The following CD163L1 variants were observed in gnomAD, a reference collection of about 807,000 sequenced individuals.
CD163L1 encodes the protein scavenger receptor cysteine-rich type 1 protein M160.
CD163L1 carries 124 observed loss-of-function variants against 165.4 expected under a neutral mutation model. That is an observed-to-expected ratio of 0.75 (90% CI 0.65 to 0.87). The LOEUF (loss-of-function observed/expected upper bound fraction) is 0.87. CD163L1 is among the 40% of genes least tolerant of loss of function. The pLI is 0.00. For synonymous variants in CD163L1, 585 were observed against 662.2 expected (o/e 0.88, Z 1.79); for missense variants, 1,525 against 1,799.9 (o/e 0.85, Z 2.76).
chr12:7,332,997 TAAAG>T, the CD163L1 span, among the ~76,000 whole-genome samples: 1 of 152,138 alleles, frequency 6.6e-6, no homozygotes, highest in African/African-American at 2.4e-5. Flanking sequence ...GCAAATTGGA[TAAAG>T]AGTCATGACC....
At chr12:7,322,416 A>T in the CD163L1 span, 5 of 1,613,640 alleles carry the variant, frequency 3.1e-6, no homozygotes, top group Non-Finnish European at 4.2e-6. Context: ...CTGTCTCTCC[A>T]GATATAAATT....
chr12:7,384,265 T>C (rs1409665466), intron 8 of CD163L1, among the ~76,000 whole-genome samples: 2 of 152,114 alleles, frequency 1.3e-5, no homozygotes, highest in East Asian at 1.9e-4. Context: ...AAATTTTTTT[T>C]CAATTAAAAA....
Position 7,374,805 on chromosome 12 carries a change from T to C in CD163L1, c.3094+26A>G. On this transcript the variant is annotated intron_variant, in intron 12 of 19. Coordinates refer to ENST00000313599, the MANE Select transcript of CD163L1 (RefSeq NM_174941.6). This position sits in a 1 kb window ranked among gnomAD's most constrained non-coding sequence, Gnocchi z 5.4. The stretch of plus-strand genomic sequence containing the variant: ...TAGGTCACATTCTTTAGAGTTGCAG[T>C]GTTTCCTAAAACTGATTCTGCTTAC... 1 of 1,614,154 alleles carries C rather than the reference T, an allele frequency of 6.2e-7. No individual in the cohort carries two copies. Among genetic ancestry groups the C allele is most frequent in the South Asian group, 1.1e-5 (1 of 91,074 alleles).
downstream of CD163L1, chr12:7,354,869 C>G (rs1332953155): frequency 6.6e-6 from 1 of 152,170 alleles, no homozygotes; most frequent in African/African-American, 2.4e-5. Flanking sequence ...CCCAAAACTC[C>G]ACTTCCTAAT....
intron 18 of CD163L1, among the ~76,000 whole-genome samples, chr12:7,366,127 T>C (rs1171494928): frequency 2.0e-5 from 3 of 152,084 alleles, no homozygotes; most frequent in African/African-American, 7.2e-5. Context: ...GTCATTATGT[T>C]AAGTGAAATA....
the CD163L1 span, among the ~76,000 whole-genome samples, chr12:7,325,586 G>A: frequency 6.6e-6 from 1 of 152,164 alleles, no homozygotes; most frequent in Non-Finnish European, 1.5e-5. Flanking sequence ...GGCAATGGTT[G>A]GAGTGAGCCA....
chr12:7,382,144 G>A (rs1047189370), intron 8 of CD163L1, among the ~76,000 whole-genome samples: 8 of 151,532 alleles, frequency 5.3e-5, no homozygotes, highest in Non-Finnish European at 1.2e-4. Flanking sequence ...AAGAAAGTCT[G>A]TAGTTTACAA....
At chr12:7,442,059 A>C (rs1948837664) in intron 1 of CD163L1, among the ~76,000 whole-genome samples, 1 of 152,222 alleles carries the variant, frequency 6.6e-6, no homozygotes, top group Non-Finnish European at 1.5e-5. Flanking sequence ...GTAATAAATA[A>C]AATTTACATT....
At chr12:7,421,508 C>CATAT (rs1221688511) in intron 4 of CD163L1, among the ~76,000 whole-genome samples, 1 of 78,436 alleles carries the variant, frequency 1.3e-5, no homozygotes, top group African/African-American at 6.9e-5. Context: ...TGTACATATA[C>CATAT]ATATACATAT....
At chr12:7,348,786 C>A (rs1162781687) in intron 4 of CD163L1, among the ~76,000 whole-genome samples, 1 of 149,118 alleles carries the variant, frequency 6.7e-6, no homozygotes, top group African/African-American at 2.5e-5. Context: ...GGAAGGCCCT[C>A]ACAAAGCAGT....
chr12:7,423,585 G>C (rs1398835840), intron 4 of CD163L1, among the ~76,000 whole-genome samples: 1 of 151,954 alleles, frequency 6.6e-6, no homozygotes, highest in African/African-American at 2.4e-5. Context: ...CCACTAGCCA[G>C]ACTAATAAGA....
At chr12:7,421,473 ACATATATG>A (rs1488667981) in intron 4 of CD163L1, among the ~76,000 whole-genome samples, 15 of 108,694 alleles carry the variant, frequency 1.4e-4, no homozygotes, top group South Asian at 3.4e-4. Flanking sequence ...ACATATATAT[ACATATATG>A]TACATATATA....
intron 18 of CD163L1, among the ~76,000 whole-genome samples, chr12:7,365,108 A>G (rs1368318809): frequency 6.6e-6 from 1 of 152,160 alleles, no homozygotes; most frequent in Non-Finnish European, 1.5e-5. Context: ...ACCCAGATAT[A>G]AATCCATGCA....
the CD163L1 span, among the ~76,000 whole-genome samples, chr12:7,322,184 C>T: frequency 6.6e-6 from 1 of 152,166 alleles, no homozygotes; most frequent in Non-Finnish European, 1.5e-5. Context: ...AAGTTCTCCT[C>T]CACCTGCTAA....
chr12:7,343,138 A>G (rs1439948808), downstream of CD163L1, among the ~76,000 whole-genome samples: 1 of 152,194 alleles, frequency 6.6e-6, no homozygotes, highest in Admixed American at 6.5e-5. Context: ...GGAGACAGAA[A>G]GAAAGAGGAG....
At chr12:7,335,566 C>T in the CD163L1 span, among the ~76,000 whole-genome samples, 1 of 152,130 alleles carries the variant, frequency 6.6e-6, no homozygotes, top group Admixed American at 6.5e-5. Context: ...TAGAAGAAAA[C>T]CTAGGCAATA....
chr12:7,327,987 G>A, the CD163L1 span, among the ~76,000 whole-genome samples: 724 of 152,178 alleles, frequency 4.8e-3, 3 homozygotes, highest in African/African-American at 0.016. Flanking sequence ...TCCATTTCTC[G>A]GGAACAGTAG....
downstream of CD163L1, among the ~76,000 whole-genome samples, chr12:7,351,931 C>T (rs947218519): frequency 6.6e-6 from 1 of 151,868 alleles, no homozygotes; most frequent in African/African-American, 2.4e-5. Flanking sequence ...ATAATGTTAG[C>T]AATAGGCTAT....
In CD163L1 at chr12:7,398,637, GAAGA is replaced by G. The variant is rs1202275280; in HGVS notation, c.1409-57_1409-54del. On this transcript the variant is annotated intron_variant, in intron 6 of 19. Coordinates refer to ENST00000313599, the MANE Select transcript of CD163L1 (RefSeq NM_174941.6). The surrounding 1 kb of genome is among the most constrained non-coding windows in gnomAD (Gnocchi z 4.5). The stretch of plus-strand genomic sequence containing the variant: ...GAGATCAAATGAGAGAGTCTTTTCA[GAAGA>G]CTGAAAAGACTCTCTAAATTCACGA... The G allele has an allele frequency of 1.1e-4, 163 of 1,455,124 alleles. 1 individual carries two copies. The Middle Eastern group carries it at 1.3e-3, about 11-fold the overall frequency. The allele number at this position is 1,455,124 out of a possible 1,614,324, so 90.1% of individuals were successfully genotyped here.
Sources: allele counts gnomAD v4.1 joint callset (sites outside exome capture counted in the v4.1 genomes callset), GRCh38; gene constraint gnomAD v4.1.1; non-coding constraint Gnocchi (gnomAD v3.1); transcripts MANE v1.5; gene names NCBI Gene and HGNC (gene_info 2026-07-23, HGNC 2026-07-21).